Variants in EFNA5 observed in about 807,000 individuals in gnomAD.
The protein encoded by EFNA5 is ephrin-A5.
Under a neutral mutation model 22.9 loss-of-function variants are expected in EFNA5, and 5 were observed. The ratio of observed to expected loss-of-function variants is 0.22; its 90% CI spans 0.11 to 0.46. EFNA5 has a LOEUF of 0.46. Ranked by LOEUF, EFNA5 falls within the 20% of genes least tolerant of loss-of-function variation. The pLI is 0.99. For synonymous variants in EFNA5, 113 were observed against 112.2 expected, an observed-to-expected ratio of 1.01 and a Z score of -0.04; for missense variants, 237 against 293.3, an observed-to-expected ratio of 0.81 and a Z score of 1.40.
At chr5:107,473,894 C>A (rs562900634) in intron 1 of EFNA5, among the ~76,000 whole-genome samples, 1 of 152,142 alleles carries the variant, frequency 6.6e-6, no homozygotes, top group African/African-American at 2.4e-5. Context: ...CTCCTGACCT[C>A]GTGATCCGCC....
At chr5:107,511,816 C>T (rs1264066079) in intron 1 of EFNA5, among the ~76,000 whole-genome samples, 1 of 146,180 alleles carries the variant, frequency 6.8e-6, no homozygotes, top group Admixed American at 6.9e-5. Context: ...AAAAACCTGA[C>T]TAATAATGTG....
intron 1 of EFNA5, among the ~76,000 whole-genome samples, chr5:107,540,503 T>A (rs1748021959): frequency 6.6e-6 from 1 of 152,126 alleles, no homozygotes; most frequent in African/African-American, 2.4e-5. Context: ...TGGCAAAAAA[T>A]ATGAGCAGAT....
chr5:107,532,384 C>A (rs1747830968), intron 1 of EFNA5, among the ~76,000 whole-genome samples: 1 of 152,220 alleles, frequency 6.6e-6, no homozygotes, highest in African/African-American at 2.4e-5. Context: ...CACCTGACTG[C>A]CCAGTGAAAC....
intron 3 of EFNA5, 29 bp from the exon 4 acceptor site, chr5:107,387,344 A>C (rs1184090144): frequency 6.8e-7 from 1 of 1,472,448 alleles, no homozygotes; most frequent in East Asian, 2.3e-5. Context: ...TAACAGCCAA[A>C]TATGTTAGTG....
At chr5:107,538,785 T>C (rs1157882786) in intron 1 of EFNA5, among the ~76,000 whole-genome samples, 3 of 152,210 alleles carry the variant, frequency 2.0e-5, no homozygotes, top group African/African-American at 7.2e-5. Flanking sequence ...ATTTGTAAAG[T>C]CCGAATTCAG....
chr5:107,467,775 A>T (rs999765427), intron 1 of EFNA5, among the ~76,000 whole-genome samples: 1 of 152,176 alleles, frequency 6.6e-6, no homozygotes, highest in African/African-American at 2.4e-5. Flanking sequence ...GGGCATGGAA[A>T]TGTTACCACG....
At chr5:107,464,581 C>T (rs10491396) in intron 1 of EFNA5, among the ~76,000 whole-genome samples, 15,858 of 152,182 alleles carry the variant, frequency 0.1, 905 homozygotes, top group Middle Eastern at 0.14. Flanking sequence ...CTAAGGTGAA[C>T]AGTTTCATTT....
At chr5:107,492,299 A>G (rs1338662595) in intron 1 of EFNA5, among the ~76,000 whole-genome samples, 1 of 152,234 alleles carries the variant, frequency 6.6e-6, no homozygotes, top group African/African-American at 2.4e-5. Context: ...TGCTTCAAAG[A>G]TTTTATATCT....
chr5:107,453,634 T>G lies in EFNA5; in HGVS notation c.126-26125A>C, dbSNP rs186187564. 2.0e-5 allele frequency among the ~76,000 whole-genome samples: 3 copies of G among 152,340 alleles called. No individual in the cohort carries two copies. In the East Asian group the frequency reaches 5.8e-4, roughly 29 times the overall value. On this transcript the variant is annotated intron_variant, in intron 1 of 4. Transcript: ENST00000333274. ...TTTAAGTGGCACTAGCAATGAGGTC[T>G]GCCAAGTTTCTACTTTTGAACATTT...
chr5:107,557,395 T>G (rs565849722), intron 1 of EFNA5, among the ~76,000 whole-genome samples: 201 of 151,874 alleles, frequency 1.3e-3, no homozygotes, highest in Admixed American at 2.1e-3. Context: ...GGAGGTCAGG[T>G]GGCAGGCATC....
At position 107,591,898 on chromosome 5, in the gene EFNA5, TAA is replaced by T. The variant is rs1561442853; in HGVS notation, c.125+78589_125+78590del. 1.5e-3 allele frequency among the ~76,000 whole-genome samples: 20 copies of T among 13,456 alleles called. 5 individuals are homozygous for T. The highest frequency in any genetic ancestry group is 0.01 in the African/African-American group (19 of 1,832). 8.8% of individuals were successfully genotyped at this position (13,456 alleles called of 152,430 possible). On this transcript the variant is annotated intron_variant, in intron 1 of 4. Transcript: ENST00000333274. Reference sequence around the variant, plus strand: ...TAATATATAATATATATATTATATATAATATATAATATAAAAAATATATATAT... The same window carrying T: ...TAATATATAATATATATATTATATATTATATAATATAAAAAATATATATAT...
chr5:107,622,802 A>T (rs1012566471), intron 1 of EFNA5, among the ~76,000 whole-genome samples: 1 of 151,790 alleles, frequency 6.6e-6, no homozygotes, highest in Non-Finnish European at 1.5e-5. Flanking sequence ...CGGGTGGATC[A>T]TGAGGTCAGG....
chr5:107,559,357 G>A (rs1000603170), intron 1 of EFNA5, among the ~76,000 whole-genome samples: 103 of 152,084 alleles, frequency 6.8e-4, no homozygotes, highest in African/African-American at 2.2e-3. Context: ...TCTGTCTAGC[G>A]AAAAATATAC....
At chr5:107,569,749 G>A (rs1748755328) in intron 1 of EFNA5, among the ~76,000 whole-genome samples, 1 of 142,050 alleles carries the variant, frequency 7.0e-6, no homozygotes, top group African/African-American at 2.5e-5. Flanking sequence ...CTACTTGGGA[G>A]GCTGAGGCAG....
At chr5:107,475,154 C>T (rs757946661) in intron 1 of EFNA5, among the ~76,000 whole-genome samples, 2 of 152,228 alleles carry the variant, frequency 1.3e-5, no homozygotes, top group East Asian at 3.8e-4. Flanking sequence ...AAAGGTGTCA[C>T]AGTAGCACAG....
At chr5:107,580,976 G>GT (rs1418911537) in intron 1 of EFNA5, among the ~76,000 whole-genome samples, 22 of 152,208 alleles carry the variant, frequency 1.4e-4, no homozygotes, top group Middle Eastern at 3.4e-3. Context: ...TTGAGAATAT[G>GT]TTTTTTTACC....
chr5:107,617,209 TACACACAC>T (rs373146585), intron 1 of EFNA5, among the ~76,000 whole-genome samples: 1 of 141,060 alleles, frequency 7.1e-6, no homozygotes, highest in Admixed American at 7.1e-5. Context: ...CATGTGCACA[TACACACAC>T]ACACACACAC....
intron 1 of EFNA5, among the ~76,000 whole-genome samples, chr5:107,449,658 G>A (rs571295493): frequency 2.6e-4 from 40 of 152,266 alleles, no homozygotes; most frequent in Admixed American, 5.9e-4. Context: ...ATGGAGTATT[G>A]TCACATCCAA....
chr5:107,387,152 G>A (rs1747646880), intron 4 of EFNA5, 83 bp downstream of exon 4: 2 of 914,162 alleles, frequency 2.2e-6, no homozygotes, highest in South Asian at 1.7e-5. Flanking sequence ...ATGCAAACAT[G>A]CAGAGAAGAA....
Sources: allele counts gnomAD v4.1 joint callset (sites outside exome capture counted in the v4.1 genomes callset), GRCh38; gene constraint gnomAD v4.1.1; transcripts MANE v1.5; gene names NCBI Gene and HGNC (gene_info 2026-07-23, HGNC 2026-07-21).